The following TNIK variants were observed in gnomAD, a reference collection of about 807,000 sequenced individuals.
TNIK encodes the protein TRAF2 and NCK-interacting protein kinase.
TNIK carries 49 observed loss-of-function variants against 191.3 expected under a neutral mutation model. That is an observed-to-expected ratio of 0.26 (90% CI 0.20 to 0.32). The LOEUF (loss-of-function observed/expected upper bound fraction) is 0.32, where lower values mean the gene tolerates loss of function less well. Ranked by LOEUF, TNIK falls within the 10% of genes least tolerant of loss-of-function variation. The probability of loss-of-function intolerance (pLI) is 1.00; values close to 1 mark genes in which losing one functional copy is unlikely to be tolerated. For synonymous variants in TNIK, 594 were observed against 600.9 expected (o/e 0.99, Z 0.17); for missense variants, 1,155 against 1,702.3 (o/e 0.68, Z 5.66).
At chr3:171,116,298 C>A (rs1328297604) in intron 18 of TNIK, among the ~76,000 whole-genome samples, 1 of 152,148 alleles carries the variant, frequency 6.6e-6, no homozygotes, top group Non-Finnish European at 1.5e-5. Flanking sequence ...TAATAGATAT[C>A]CCTTGTTCAC....
At position 171,300,792 on chromosome 3, in the gene TNIK, G is replaced by A. The variant is rs568454681; in HGVS notation, c.123+68828C>T. 8.5e-5 allele frequency among the ~76,000 whole-genome samples: 13 copies of A among 152,236 alleles called. No homozygotes were observed. The East Asian group carries it at 2.3e-3, about 27-fold the overall frequency. On this transcript the variant is annotated intron_variant, in intron 2 of 32. Coordinates refer to ENST00000436636, the MANE Select transcript of TNIK (RefSeq NM_015028.4). ...TGCCAGGCATGATGTTAGGCAGAAA[G>A]GGCACAAAGATGAATAGGACACATG...
chr3:171,298,921 G>T (rs1752601445), intron 2 of TNIK, among the ~76,000 whole-genome samples: 1 of 152,132 alleles, frequency 6.6e-6, no homozygotes, highest in African/African-American at 2.4e-5. Flanking sequence ...AGGGCAATAT[G>T]CAAGGAATGG....
At chr3:171,241,039 T>TC (rs1744912401) in intron 2 of TNIK, among the ~76,000 whole-genome samples, 1 of 151,878 alleles carries the variant, frequency 6.6e-6, no homozygotes, top group South Asian at 2.1e-4. Flanking sequence ...TCTTTTCTTT[T>TC]TTTTTTTGGA....
At chr3:171,132,798 A>G (rs1029505762) in intron 15 of TNIK, among the ~76,000 whole-genome samples, 1 of 152,222 alleles carries the variant, frequency 6.6e-6, no homozygotes, top group African/African-American at 2.4e-5. Context: ...ATAATATTTT[A>G]TAATATGTAG....
intron 18 of TNIK, among the ~76,000 whole-genome samples, chr3:171,121,006 T>C (rs895534694): frequency 6.6e-6 from 1 of 152,076 alleles, no homozygotes; most frequent in Admixed American, 6.5e-5. Flanking sequence ...ACTTAGCAAA[T>C]GAATTAAAAA....
chr3:171,134,834 C>T lies in TNIK; in HGVS notation c.1608+3357G>A, dbSNP rs115231998. On this transcript the variant is annotated intron_variant, in intron 15 of 32. Transcript: ENST00000436636. ...CAGAGAGAACAAAGCAGTATAAGAG[C>T]ATTACATTGCTGATAAAGGACTATC... Among the ~76,000 whole-genome samples, 224 of 151,966 alleles carry T rather than the reference C, an allele frequency of 1.5e-3. 2 individuals are homozygous for T. Among genetic ancestry groups the T allele is most frequent in the African/African-American group, 5.1e-3 (213 of 41,412 alleles).
At chr3:171,421,333 GA>G (rs1460859296) in intron 1 of TNIK, among the ~76,000 whole-genome samples, 2 of 152,200 alleles carry the variant, frequency 1.3e-5, no homozygotes, top group African/African-American at 2.4e-5. Context: ...CTGACTGGCA[GA>G]ACTGACCCAT....
chr3:171,308,332 C>A (rs1753680814), intron 2 of TNIK, among the ~76,000 whole-genome samples: 1 of 152,110 alleles, frequency 6.6e-6, no homozygotes, highest in African/African-American at 2.4e-5. Context: ...GGAAAGGATT[C>A]CCTATACAAT....
intron 5 of TNIK, among the ~76,000 whole-genome samples, chr3:171,193,094 C>T (rs1427469444): frequency 6.6e-6 from 1 of 152,134 alleles, no homozygotes; most frequent in Non-Finnish European, 1.5e-5. Context: ...GAACCCTTTC[C>T]TTTGACACAG....
chr3:171,153,307 C>T lies in TNIK; in HGVS notation c.1221+4153G>A, dbSNP rs576675171. The stretch of plus-strand genomic sequence containing the variant: ...TGAGTTCTTAGAGCTCAGGCCTACA[C>T]TCTCTTCTCATGTGTACTTTTATTA... On this transcript the variant is annotated intron_variant, in intron 12 of 32. Transcript: ENST00000436636. Among the ~76,000 whole-genome samples, 94 of 152,160 alleles carry T rather than the reference C, an allele frequency of 6.2e-4. 1 individual carries two copies. The South Asian group carries it at 0.018, about 30-fold the overall frequency.
Position 171,447,589 on chromosome 3 carries a change from C to G in TNIK, c.57+12418G>C, listed in dbSNP as rs183694895. Reference sequence around the variant, plus strand: ...TCGTAAGCTCAGCCACTTAGTAGCTCTACGATCTTTGGTAAACTAATTGAT... The same window carrying G: ...TCGTAAGCTCAGCCACTTAGTAGCTGTACGATCTTTGGTAAACTAATTGAT... On this transcript the variant is annotated intron_variant, in intron 1 of 32. Coordinates refer to ENST00000436636, the MANE Select transcript of TNIK (RefSeq NM_015028.4). Among the ~76,000 whole-genome samples, 187 of 152,338 alleles carry G rather than the reference C, an allele frequency of 1.2e-3. 1 individual carries two copies. The highest frequency in any genetic ancestry group is 6.8e-3 in the Middle Eastern group (2 of 294).
rs73046830 is a variant in TNIK, at chr3:171,347,009, G to A, written c.123+22611C>T. On this transcript the variant is annotated intron_variant, in intron 2 of 32. Coordinates refer to ENST00000436636, the MANE Select transcript of TNIK (RefSeq NM_015028.4). The stretch of plus-strand genomic sequence containing the variant: ...TAGGGGCTGCAAGGATAACATCAAG[G>A]GACAGTCCTGCAGGCGTTCATATGA... The A allele has an allele frequency of 2.1e-3, 1,803 of 840,840 alleles. 27 individuals carry two copies. In the African/African-American group the frequency reaches 0.028, roughly 13 times the overall value. 52.1% of individuals were successfully genotyped at this position (840,840 alleles called of 1,614,324 possible).
At chr3:171,405,246 A>C (rs2108586598) in intron 1 of TNIK, among the ~76,000 whole-genome samples, 1 of 152,330 alleles carries the variant, frequency 6.6e-6, no homozygotes, top group South Asian at 2.1e-4. Context: ...TAAACCCCCC[A>C]GAAAAACTGG....
At position 171,401,676 on chromosome 3, in the gene TNIK, A is replaced by T. The variant is rs79324518; in HGVS notation, c.58-31991T>A. ...GAGCATCAAGGTACATCGTGGAGTG[A>T]TTTTTCCCAGGAGGGTTCAGAAATG... On this transcript the variant is annotated intron_variant, in intron 1 of 32. Transcript: ENST00000436636. Among the ~76,000 whole-genome samples the T allele has an allele frequency of 3.8e-3, 578 of 152,228 alleles. 3 individuals are homozygous for T. Among genetic ancestry groups the T allele is most frequent in the African/African-American group, 0.013 (554 of 41,526 alleles).
At chr3:171,451,533 G>A (rs1728174838) in intron 1 of TNIK, among the ~76,000 whole-genome samples, 1 of 152,226 alleles carries the variant, frequency 6.6e-6, no homozygotes, top group Non-Finnish European at 1.5e-5. Context: ...AAGCTTGAGG[G>A]TAGTCTGCTA....
rs1006080804 is a variant in TNIK at position 171,159,802 on chromosome 3, C to T, written c.1016+1468G>A. On this transcript the variant is annotated intron_variant, in intron 11 of 32. Coordinates refer to ENST00000436636, the MANE Select transcript of TNIK (RefSeq NM_015028.4). This position sits in a 1 kb window ranked among gnomAD's most constrained non-coding sequence, Gnocchi z 4.1. ...GGATTTCATGAAGATTAATTAGATA[C>T]GTCCATAAAAACAGGACTTGGACTT... 6.6e-5 allele frequency among the ~76,000 whole-genome samples: 10 copies of T among 152,170 alleles called. No homozygotes were observed. The highest frequency in any genetic ancestry group is 2.1e-4 in the South Asian group (1 of 4,830).
intron 1 of TNIK, among the ~76,000 whole-genome samples, chr3:171,445,091 T>C (rs1350166667): frequency 2.0e-5 from 3 of 152,064 alleles, no homozygotes; most frequent in Non-Finnish European, 4.4e-5. Flanking sequence ...GGAGGGCTTC[T>C]TAACGCAAAA....
chr3:171,194,449 A>T (rs1414748245), intron 5 of TNIK, 76 bp downstream of exon 5: 1 of 1,323,240 alleles, frequency 7.6e-7, no homozygotes, highest in African/African-American at 1.5e-5. Flanking sequence ...AGTCAGAAAA[A>T]AATTCAATCC....
chr3:171,235,533 A>G (rs1050981342), intron 2 of TNIK, among the ~76,000 whole-genome samples: 1 of 152,170 alleles, frequency 6.6e-6, no homozygotes, highest in Non-Finnish European at 1.5e-5. Flanking sequence ...TATAAACATC[A>G]TTCAAAACCC....
Sources: gnomAD v4.1 joint callset for allele counts (sites outside exome capture counted in the v4.1 genomes callset) on GRCh38, gnomAD v4.1.1 for gene constraint, Gnocchi (gnomAD v3.1) non-coding constraint, MANE v1.5 for transcripts, NCBI Gene and HGNC (gene_info 2026-07-23, HGNC 2026-07-21) for gene names.